ASTN2: variants seen among roughly 807,000 people sequenced by gnomAD.
ASTN2 encodes astrotactin-2.
ASTN2 carries 54 observed loss-of-function variants against 139.8 expected under a neutral mutation model. The observed-to-expected ratio is 0.39, with a 90% confidence interval of 0.31 to 0.48. The LOEUF is 0.48. Among genes scored for constraint, ASTN2 ranks in the 20% least tolerant of loss-of-function variants. ASTN2 has a pLI of 0.95. For missense variants in ASTN2, 1,565 were observed against 1,725.1 expected, an observed-to-expected ratio of 0.91 and a Z score of 1.64; for synonymous variants, 756 against 719.5, an observed-to-expected ratio of 1.05 and a Z score of -0.81.
chr9:116,619,950 C>A (rs185309138), intron 18 of ASTN2, among the ~76,000 whole-genome samples: 2 of 152,142 alleles, frequency 1.3e-5, no homozygotes, highest in East Asian at 3.9e-4. Context: ...AGAGGTTCTC[C>A]AGTTTTTTTT....
intron 19 of ASTN2, among the ~76,000 whole-genome samples, chr9:116,616,532 A>G (rs1428777395): frequency 6.6e-6 from 1 of 152,200 alleles, no homozygotes; most frequent in Non-Finnish European, 1.5e-5. Context: ...GGACTTCAGG[A>G]AAGTCACATA....
chr9:117,059,049 G>C (rs560739951), intron 5 of ASTN2, among the ~76,000 whole-genome samples: 4 of 152,152 alleles, frequency 2.6e-5, no homozygotes, highest in African/African-American at 4.8e-5. Flanking sequence ...TATAATGCCC[G>C]GTCTATCTGC....
chr9:117,066,517 C>A (rs1262100490), intron 5 of ASTN2, among the ~76,000 whole-genome samples: 1 of 150,204 alleles, frequency 6.7e-6, no homozygotes, highest in Non-Finnish European at 1.5e-5. Context: ...GACTTATAGT[C>A]ATTTGGGTAT....
intron 19 of ASTN2, among the ~76,000 whole-genome samples, chr9:116,604,268 T>A (rs1279902378): frequency 3.9e-5 from 6 of 152,100 alleles, no homozygotes; most frequent in Non-Finnish European, 8.8e-5. Flanking sequence ...CTGGGTGGCA[T>A]GGGGGAATGA....
chr9:117,078,511 C>T (rs923651231), intron 5 of ASTN2, among the ~76,000 whole-genome samples: 10 of 152,042 alleles, frequency 6.6e-5, no homozygotes, highest in African/African-American at 1.4e-4. Flanking sequence ...TTAGAAGCAC[C>T]GAATTGGAGA....
chr9:116,608,838 C>T (rs749058715), intron 19 of ASTN2, among the ~76,000 whole-genome samples: 3 of 151,900 alleles, frequency 2.0e-5, no homozygotes, highest in African/African-American at 4.8e-5. Flanking sequence ...GATTAGCAAA[C>T]AAGAACATTA....
intron 3 of ASTN2, among the ~76,000 whole-genome samples, chr9:117,179,385 T>C (rs1039498293): frequency 2.6e-5 from 4 of 152,164 alleles, no homozygotes; most frequent in Non-Finnish European, 4.4e-5. Flanking sequence ...CTTCTATATA[T>C]AGTCATCTTG....
rs1837099623 is a variant in ASTN2 at position 116,998,866 on chromosome 9, T to G, written c.1591+9226A>C. ...CACTTCCTTCAAAACAGGGAATTTCTCCATCACTGTAGATTCTTGGAATTT... is the reference window on the plus strand; with the variant it reads ...CACTTCCTTCAAAACAGGGAATTTCGCCATCACTGTAGATTCTTGGAATTT... On this transcript the variant is annotated intron_variant, in intron 7 of 22. Transcript: ENST00000313400. Among the ~76,000 whole-genome samples the G allele has an allele frequency of 2.0e-5, 3 of 152,186 alleles. No homozygotes were observed. In the East Asian group the frequency reaches 5.8e-4, roughly 29 times the overall value.
intron 17 of ASTN2, among the ~76,000 whole-genome samples, chr9:116,634,198 T>C (rs1223732238): frequency 1.3e-5 from 2 of 152,194 alleles, no homozygotes; most frequent in African/African-American, 2.4e-5. Context: ...CCTAAAATAA[T>C]GTCAGATCTA....
At chr9:117,277,079 C>T (rs1469094731) in intron 2 of ASTN2, 1 of 152,148 alleles carries the variant, frequency 6.6e-6, no homozygotes, top group Non-Finnish European at 1.5e-5. Flanking sequence ...GTCCTCTTCC[C>T]CCCTCACTGC....
intron 11 of ASTN2, among the ~76,000 whole-genome samples, chr9:116,851,318 G>A (rs917364093): frequency 2.2e-4 from 33 of 152,132 alleles, no homozygotes; most frequent in Admixed American, 1.4e-3. Context: ...AGGCATGGTG[G>A]GTGTGTTGGG....
At chr9:117,020,087 A>C (rs1837833242) in intron 6 of ASTN2, among the ~76,000 whole-genome samples, 1 of 151,376 alleles carries the variant, frequency 6.6e-6, no homozygotes, top group Non-Finnish European at 1.5e-5. Flanking sequence ...GAAATACATC[A>C]AAAGGGTAAT....
intron 10 of ASTN2, among the ~76,000 whole-genome samples, chr9:116,934,838 T>C (rs1564348128): frequency 1.3e-5 from 2 of 152,180 alleles, no homozygotes; most frequent in African/African-American, 2.4e-5. Flanking sequence ...ATGATGGTTG[T>C]TCCGTGATTT....
At chr9:116,528,511 C>G (rs62574374) in intron 19 of ASTN2, among the ~76,000 whole-genome samples, 30,976 of 152,156 alleles carry the variant, frequency 0.2, 3,302 homozygotes, top group Non-Finnish European at 0.23. Flanking sequence ...AATTTGCAGA[C>G]TGCCCATGTG....
intron 11 of ASTN2, among the ~76,000 whole-genome samples, chr9:116,839,107 T>C (rs1267744720): frequency 1.3e-5 from 2 of 152,106 alleles, no homozygotes; most frequent in East Asian, 3.9e-4. Context: ...CTCTCAACAA[T>C]AGTATGCCTC....
intron 4 of ASTN2, among the ~76,000 whole-genome samples, chr9:117,114,310 C>T (rs568679217): frequency 1.6e-4 from 25 of 152,138 alleles, no homozygotes; most frequent in African/African-American, 4.6e-4. Context: ...GTCAGACTTA[C>T]GGGCAGAGCA....
chr9:117,204,817 C>T (rs1385040021), intron 3 of ASTN2, among the ~76,000 whole-genome samples: 1 of 152,182 alleles, frequency 6.6e-6, no homozygotes, highest in Non-Finnish European at 1.5e-5. Context: ...CAGCAATGCT[C>T]AATGAGTTAT....
chr9:116,980,977 A>AGT (rs1338904631), intron 7 of ASTN2, among the ~76,000 whole-genome samples: 1 of 152,058 alleles, frequency 6.6e-6, no homozygotes, highest in East Asian at 1.9e-4. Context: ...CTGTATAGGG[A>AGT]TAGGGAACTC....
chr9:116,852,704 A>G (rs1832642048), intron 11 of ASTN2, among the ~76,000 whole-genome samples: 1 of 152,188 alleles, frequency 6.6e-6, no homozygotes, highest in South Asian at 2.1e-4. Flanking sequence ...TCATCCATTT[A>G]TCCTCAAGAC....
Sources: allele counts gnomAD v4.1 joint callset (sites outside exome capture counted in the v4.1 genomes callset), GRCh38; gene constraint gnomAD v4.1.1; transcripts MANE v1.5; gene names NCBI Gene and HGNC (gene_info 2026-07-23, HGNC 2026-07-21).